The following AP3B1 variants were observed in gnomAD, a reference collection of about 807,000 sequenced individuals.
AP3B1 encodes the protein adaptor related protein complex 3 subunit beta 1.
In AP3B1, 61 loss-of-function variants were observed where a neutral mutation model predicts 132.5. That is an observed-to-expected ratio of 0.46 (90% CI 0.37 to 0.57). The LOEUF (loss-of-function observed/expected upper bound fraction) is 0.57. Ranked by LOEUF, AP3B1 falls within the 20% of genes least tolerant of loss-of-function variation. AP3B1 has a pLI of 0.00. For missense variants in AP3B1, 1,120 were observed against 1,289.4 expected, an observed-to-expected ratio of 0.87 and a Z score of 2.01; for synonymous variants, 388 against 438.3, an observed-to-expected ratio of 0.89 and a Z score of 1.43.
chr5:78,102,062 A>G (rs1751152447), intron 20 of AP3B1, among the ~76,000 whole-genome samples: 2 of 152,268 alleles, frequency 1.3e-5, no homozygotes, highest in African/African-American at 4.8e-5. Context: ...CAAGATAGAT[A>G]TAGTCCTGCC....
chr5:78,039,989 T>C (rs989227513), intron 22 of AP3B1, among the ~76,000 whole-genome samples: 1 of 152,004 alleles, frequency 6.6e-6, no homozygotes, highest in African/African-American at 2.4e-5. Context: ...CAATTGATTT[T>C]CTTGGGTGTT....
intron 13 of AP3B1, among the ~76,000 whole-genome samples, chr5:78,157,283 C>T (rs1743189079): frequency 6.6e-6 from 1 of 152,188 alleles, no homozygotes; most frequent in Admixed American, 6.5e-5. Flanking sequence ...CTGTTAGCTC[C>T]AGGGTGTTAC....
chr5:78,151,965 C>T (rs1199747676), intron 14 of AP3B1, among the ~76,000 whole-genome samples: 4 of 15,650 alleles, frequency 2.6e-4, no homozygotes, highest in Non-Finnish European at 5.0e-4. Flanking sequence ...TCCCTTCCCT[C>T]CCCCTCCCCC....
intron 1 of AP3B1, among the ~76,000 whole-genome samples, chr5:78,277,482 G>A (rs1173125083): frequency 1.3e-5 from 2 of 152,160 alleles, no homozygotes; most frequent in Non-Finnish European, 2.9e-5. Flanking sequence ...GATCAGATAA[G>A]TAGTACACAA....
At chr5:78,256,054 G>C (rs891620833) in intron 2 of AP3B1, among the ~76,000 whole-genome samples, 2 of 151,764 alleles carry the variant, frequency 1.3e-5, no homozygotes, top group Non-Finnish European at 3.0e-5. Flanking sequence ...ATAGCTATAA[G>C]TGTCTACATC....
chr5:78,121,690 G>A (rs1431525517), intron 17 of AP3B1: 1 of 152,298 alleles, frequency 6.6e-6, no homozygotes, highest in Non-Finnish European at 1.5e-5. Flanking sequence ...CTCTGAAATT[G>A]TGACAATAAT....
At chr5:78,156,903 G>T (rs140287165) in intron 13 of AP3B1, among the ~76,000 whole-genome samples, 63 of 152,292 alleles carry the variant, frequency 4.1e-4, no homozygotes, top group Middle Eastern at 3.4e-3. Context: ...TGCAAAGCCG[G>T]AAAGAATGGG....
At chr5:78,241,337 GTA>G (rs1210749569) in intron 2 of AP3B1, among the ~76,000 whole-genome samples, 1 of 151,960 alleles carries the variant, frequency 6.6e-6, no homozygotes, top group Non-Finnish European at 1.5e-5. Flanking sequence ...GGCTACAGGC[GTA>G]TGTCATCATG....
intron 17 of AP3B1, among the ~76,000 whole-genome samples, chr5:78,120,731 C>T (rs1207400385): frequency 6.6e-6 from 1 of 152,054 alleles, no homozygotes; most frequent in South Asian, 2.1e-4. Flanking sequence ...TAGACTCCCA[C>T]ACATTAATAA....
At chr5:78,077,218 C>A (rs1408843889) in intron 22 of AP3B1, among the ~76,000 whole-genome samples, 1 of 152,124 alleles carries the variant, frequency 6.6e-6, no homozygotes, top group Non-Finnish European at 1.5e-5. Flanking sequence ...CTTAATGAGC[C>A]TTCCTGTACT....
At chr5:78,223,993 A>G (rs190978196) in intron 6 of AP3B1, among the ~76,000 whole-genome samples, 1 of 152,224 alleles carries the variant, frequency 6.6e-6, no homozygotes, top group East Asian at 1.9e-4. Context: ...AAAATGACAG[A>G]TCTGCTTCTT....
chr5:78,009,449 C>G (rs1038475908), intron 26 of AP3B1, among the ~76,000 whole-genome samples: 2 of 151,648 alleles, frequency 1.3e-5, no homozygotes, highest in Non-Finnish European at 2.9e-5. Flanking sequence ...AGAGTGAGAC[C>G]CTGTCTTAAA....
rs147524562 is a variant in AP3B1 at position 78,080,460 on chromosome 5, T to C, written c.2577+8933A>G. 3.2e-3 allele frequency among the ~76,000 whole-genome samples: 484 copies of C among 150,922 alleles called. 4 individuals carry two copies. The highest frequency in any genetic ancestry group is 5.6e-3 in the Admixed American group (85 of 15,258). On this transcript the variant is annotated intron_variant, in intron 22 of 26. Transcript: ENST00000255194. ...GATGTAGTTTCCAATTTTCTTTTTT[T>C]TTTTTCTTTTTCTTTTTTTTTTGCT...
chr5:78,114,375 AAATGAGCCATTC>A (rs1751731990), intron 18 of AP3B1, among the ~76,000 whole-genome samples: 3 of 152,162 alleles, frequency 2.0e-5, no homozygotes, highest in African/African-American at 7.2e-5. Flanking sequence ...TTTGAGAGGA[AAATGAGCCATTC>A]AAATCACTTG....
At chr5:78,169,340 C>A (rs1040752717) in intron 11 of AP3B1, among the ~76,000 whole-genome samples, 2 of 152,172 alleles carry the variant, frequency 1.3e-5, no homozygotes, top group Non-Finnish European at 2.9e-5. Flanking sequence ...TTAAGATCCA[C>A]CCAAACATCA....
intron 23 of AP3B1, among the ~76,000 whole-genome samples, chr5:78,035,729 C>A (rs1323722124): frequency 4.6e-5 from 7 of 152,000 alleles, no homozygotes; most frequent in Admixed American, 3.9e-4. Context: ...TTTGCTGATT[C>A]TAGTTTGAAT....
At chr5:78,159,643 C>T (rs1229192323) in intron 13 of AP3B1, among the ~76,000 whole-genome samples, 1 of 152,234 alleles carries the variant, frequency 6.6e-6, no homozygotes, top group Non-Finnish European at 1.5e-5. Flanking sequence ...GGTCTAACCA[C>T]ATAATCTCCC....
chr5:78,144,844 G>GTTT (rs1554070207), intron 14 of AP3B1, among the ~76,000 whole-genome samples: 2 of 151,904 alleles, frequency 1.3e-5, no homozygotes, highest in Non-Finnish European at 2.9e-5. Flanking sequence ...TGTTGTTGTT[G>GTTT]TTTTTTAAAG....
intron 20 of AP3B1, among the ~76,000 whole-genome samples, chr5:78,101,957 A>G (rs1751145437): frequency 6.6e-6 from 1 of 152,076 alleles, no homozygotes; most frequent in Non-Finnish European, 1.5e-5. Flanking sequence ...TTCTACTAAA[A>G]TGTTTTTGTT....
Sources: gnomAD v4.1 joint callset for allele counts (sites outside exome capture counted in the v4.1 genomes callset) on GRCh38, gnomAD v4.1.1 for gene constraint, MANE v1.5 for transcripts, NCBI Gene and HGNC (gene_info 2026-07-23, HGNC 2026-07-21) for gene names.